SNTG1: variants seen among roughly 807,000 people sequenced by gnomAD.
SNTG1 encodes the protein syntrophin gamma 1, also known as gamma-1-syntrophin.
SNTG1 carries 39 observed loss-of-function variants against 74.7 expected under a neutral mutation model. That is an observed-to-expected ratio of 0.52 (90% confidence interval 0.40 to 0.68). SNTG1 has a LOEUF of 0.68. SNTG1 is among the 30% of genes least tolerant of loss of function. SNTG1 has a pLI of 0.00. For synonymous variants in SNTG1, 254 were observed against 217.1 expected (o/e 1.17, Z -1.49); for missense variants, 685 against 609.5 (o/e 1.12, Z -1.30).
chr8:50,536,888 T>G, intron 11 of SNTG1, 80 bp downstream of exon 11: 1 of 1,497,816 alleles, frequency 6.7e-7, no homozygotes, highest in Non-Finnish European at 9.1e-7. Flanking sequence ...CATATCACAA[T>G]ACGCCTTATG....
rs548168528 is a variant in SNTG1, at chr8:50,144,586, G to A, written c.-102-27975G>A. Among the ~76,000 whole-genome samples, 13 of 152,256 alleles carry A rather than the reference G, an allele frequency of 8.5e-5. 1 individual carries two copies. Among genetic ancestry groups the A allele is most frequent in the African/African-American group, 2.9e-4 (12 of 41,550 alleles). ...GCCTTTAGCACTGTAGGGTGAATTG[G>A]AGGGCTCAAAAATAGGACTGGGGAT... On this transcript the variant is annotated intron_variant, in intron 1 of 18. Coordinates refer to ENST00000642720, the MANE Select transcript of SNTG1 (RefSeq NM_018967.5).
intron 2 of SNTG1, among the ~76,000 whole-genome samples, chr8:50,174,400 G>C (rs1044553937): frequency 3.9e-5 from 6 of 152,132 alleles, no homozygotes; most frequent in African/African-American, 1.4e-4. Flanking sequence ...CTAGATCCTT[G>C]AGGAATCACC....
At chr8:50,149,360 C>A (rs191934376) in intron 1 of SNTG1, among the ~76,000 whole-genome samples, 101 of 152,182 alleles carry the variant, frequency 6.6e-4, no homozygotes, top group Middle Eastern at 3.4e-3. Context: ...ACCCTGATGG[C>A]AGTTTCTTTT....
intron 2 of SNTG1, among the ~76,000 whole-genome samples, chr8:50,369,673 G>A (rs1026673309): frequency 1.3e-5 from 2 of 151,230 alleles, no homozygotes; most frequent in African/African-American, 4.9e-5. Flanking sequence ...ACAGCCAGAA[G>A]GTTGCTGTCT....
chr8:50,567,893 C>A (rs1229000356), intron 12 of SNTG1, among the ~76,000 whole-genome samples: 1 of 152,142 alleles, frequency 6.6e-6, no homozygotes, highest in Non-Finnish European at 1.5e-5. Flanking sequence ...TTGAGATACA[C>A]TTTACATTGT....
intron 3 of SNTG1, among the ~76,000 whole-genome samples, chr8:50,399,725 C>T (rs1255217431): frequency 1.3e-5 from 2 of 152,140 alleles, no homozygotes; most frequent in Non-Finnish European, 2.9e-5. Flanking sequence ...ATGTCGGCCC[C>T]TCTCCAATAT....
intron 1 of SNTG1, among the ~76,000 whole-genome samples, chr8:50,016,969 G>T (rs1490989258): frequency 6.6e-6 from 1 of 152,022 alleles, no homozygotes; most frequent in Non-Finnish European, 1.5e-5. Context: ...GCAGAAAAGG[G>T]CTGTCAACTG....
intron 2 of SNTG1, among the ~76,000 whole-genome samples, chr8:50,361,087 A>G (rs553076413): frequency 1.3e-5 from 2 of 152,246 alleles, no homozygotes; most frequent in East Asian, 1.9e-4. Context: ...ATTTTCTTTC[A>G]TATATCCTTG....
chr8:50,454,668 C>A (rs2093487186), intron 8 of SNTG1, among the ~76,000 whole-genome samples: 1 of 151,438 alleles, frequency 6.6e-6, no homozygotes, highest in Admixed American at 6.6e-5. Context: ...ATGGTGAAAC[C>A]CTATCTCTAC....
At chr8:49,939,215 C>A (rs1416844489) in intron 1 of SNTG1, among the ~76,000 whole-genome samples, 1 of 152,008 alleles carries the variant, frequency 6.6e-6, no homozygotes, top group Non-Finnish European at 1.5e-5. Flanking sequence ...CATTAGCCAC[C>A]CTTTAACTTT....
intron 13 of SNTG1, among the ~76,000 whole-genome samples, chr8:50,626,963 T>C (rs1563664869): frequency 6.6e-6 from 1 of 152,224 alleles, no homozygotes; most frequent in Non-Finnish European, 1.5e-5. Context: ...GGTCTCATCT[T>C]ATATGTCATT....
chr8:49,956,977 A>G (rs1810237348), intron 1 of SNTG1, among the ~76,000 whole-genome samples: 1 of 152,218 alleles, frequency 6.6e-6, no homozygotes, highest in African/African-American at 2.4e-5. Flanking sequence ...GAGAGCAGAA[A>G]GGTGTTTTGC....
intron 1 of SNTG1, among the ~76,000 whole-genome samples, chr8:50,005,519 A>G (rs1279366080): frequency 2.6e-5 from 4 of 152,092 alleles, no homozygotes; most frequent in African/African-American, 9.7e-5. Context: ...AATATGGTAT[A>G]TATTTGTTAA....
At chr8:50,251,265 A>G (rs2086634869) in intron 2 of SNTG1, among the ~76,000 whole-genome samples, 1 of 152,200 alleles carries the variant, frequency 6.6e-6, no homozygotes, top group African/African-American at 2.4e-5. Flanking sequence ...AAAATTTAGC[A>G]TTACAGAAAA....
At chr8:50,344,150 T>C (rs2091402399) in intron 2 of SNTG1, among the ~76,000 whole-genome samples, 1 of 152,220 alleles carries the variant, frequency 6.6e-6, no homozygotes, top group South Asian at 2.1e-4. Context: ...TGAGTTATAG[T>C]CAATTCATTT....
chr8:50,449,899 G>A (rs577137005), intron 6 of SNTG1, among the ~76,000 whole-genome samples, 174 bp downstream of exon 6: 2 of 152,142 alleles, frequency 1.3e-5, no homozygotes, highest in African/African-American at 4.8e-5. Flanking sequence ...ATCCTCCTGT[G>A]GGAGAGGACT....
chr8:50,778,780 T>C (rs2095649140), intron 18 of SNTG1, among the ~76,000 whole-genome samples: 1 of 150,788 alleles, frequency 6.6e-6, no homozygotes, highest in Non-Finnish European at 1.5e-5. Context: ...TCCTTGCCCA[T>C]GCCTATGTCC....
At chr8:50,503,848 T>A (rs1329344077) in intron 9 of SNTG1, among the ~76,000 whole-genome samples, 1 of 152,206 alleles carries the variant, frequency 6.6e-6, no homozygotes. Context: ...AACGTTCTTT[T>A]ATTTAACTTT....
chr8:50,134,950 T>C (rs1249250382), intron 1 of SNTG1, among the ~76,000 whole-genome samples: 1 of 152,170 alleles, frequency 6.6e-6, no homozygotes, highest in East Asian at 1.9e-4. Context: ...GTCAAATAAA[T>C]AGAAACTGTA....
Sources: gnomAD v4.1 joint callset for allele counts (sites outside exome capture counted in the v4.1 genomes callset) on GRCh38, gnomAD v4.1.1 for gene constraint, MANE v1.5 for transcripts, NCBI Gene and HGNC (gene_info 2026-07-23, HGNC 2026-07-21) for gene names.